The following SGCD variants were observed in gnomAD, a reference collection of about 807,000 sequenced individuals.
SGCD encodes the protein delta-sarcoglycan.
A neutral mutation model predicts 36.6 loss-of-function variants in SGCD; 18 were observed. The ratio of observed to expected loss-of-function variants is 0.49; its 90% CI spans 0.34 to 0.73. SGCD has a LOEUF of 0.73. SGCD is among the 30% of genes least tolerant of loss of function. The probability of loss-of-function intolerance (pLI) is 0.01; values close to 1 mark genes in which losing one functional copy is unlikely to be tolerated. For missense variants in SGCD, 387 were observed against 346.7 expected, an observed-to-expected ratio of 1.12 and a Z score of -0.92; for synonymous variants, 133 against 130.6, an observed-to-expected ratio of 1.02 and a Z score of -0.12.
intron 7 of SGCD, among the ~76,000 whole-genome samples, chr5:156,649,753 C>T (rs1763386819): frequency 6.6e-6 from 1 of 151,890 alleles, no homozygotes; most frequent in South Asian, 2.1e-4. Context: ...GGAGATATAC[C>T]TAATGTTAAA....
chr5:156,181,292 A>G (rs1276668818), intron 3 of SGCD, among the ~76,000 whole-genome samples: 1 of 152,178 alleles, frequency 6.6e-6, no homozygotes, highest in African/African-American at 2.4e-5. Flanking sequence ...TGAAAAATGC[A>G]AAATATTACT....
intron 1 of SGCD, among the ~76,000 whole-genome samples, chr5:155,942,834 C>T (rs1043767710): frequency 1.3e-5 from 2 of 152,066 alleles, no homozygotes; most frequent in African/African-American, 4.8e-5. Flanking sequence ...CCAAGATAAT[C>T]CAAATGTTAG....
chr5:155,765,605 A>G, the SGCD span, among the ~76,000 whole-genome samples: 17 of 152,310 alleles, frequency 1.1e-4, 1 homozygote, highest in African/African-American at 4.1e-4. Flanking sequence ...AGGCATCAGG[A>G]TGCAACTGAT....
At chr5:156,407,366 C>G (rs1340527214) in intron 3 of SGCD, among the ~76,000 whole-genome samples, 2 of 152,210 alleles carry the variant, frequency 1.3e-5, no homozygotes, top group Non-Finnish European at 2.9e-5. Flanking sequence ...TGGGCCCTCA[C>G]AGTGCTTTAT....
At chr5:156,483,638 A>G (rs575426160) in intron 3 of SGCD, among the ~76,000 whole-genome samples, 1 of 152,270 alleles carries the variant, frequency 6.6e-6, no homozygotes, top group East Asian at 1.9e-4. Context: ...GCATTTCTTA[A>G]TCTCTCTCTT....
At chr5:156,382,270 A>C (rs774309254) in intron 3 of SGCD, among the ~76,000 whole-genome samples, 19 of 151,536 alleles carry the variant, frequency 1.3e-4, no homozygotes, top group Non-Finnish European at 4.4e-5. Context: ...TGCCCTAAAC[A>C]CTCCCCTGCT....
At chr5:156,072,627 A>G (rs563191675) in intron 1 of SGCD, among the ~76,000 whole-genome samples, 194 of 152,138 alleles carry the variant, frequency 1.3e-3, no homozygotes, top group Non-Finnish European at 2.6e-3. Context: ...GTTCTTCTTG[A>G]GGAGTATCTT....
intron 7 of SGCD, among the ~76,000 whole-genome samples, chr5:156,702,553 AT>A (rs1336737178): frequency 6.6e-6 from 1 of 152,142 alleles, no homozygotes; most frequent in Non-Finnish European, 1.5e-5. Flanking sequence ...ATGAATCTCA[AT>A]AAAAAGCAGT....
At chr5:156,173,572 G>A (rs1433375810) in intron 3 of SGCD, among the ~76,000 whole-genome samples, 1 of 152,042 alleles carries the variant, frequency 6.6e-6, no homozygotes, top group Non-Finnish European at 1.5e-5. Flanking sequence ...TAAGTACATA[G>A]CATTTGCATT....
At chr5:155,903,417 C>A (rs576917102) in intron 1 of SGCD, among the ~76,000 whole-genome samples, 1 of 152,224 alleles carries the variant, frequency 6.6e-6, no homozygotes, top group African/African-American at 2.4e-5. Flanking sequence ...TCAACAAGGT[C>A]TCTTCATAGA....
At chr5:156,621,106 T>G (rs17053679) in intron 6 of SGCD, among the ~76,000 whole-genome samples, 2,186 of 152,186 alleles carry the variant, frequency 0.014, 54 homozygotes, top group African/African-American at 0.051. Context: ...ACTAATTGAG[T>G]TTTTACTCTG....
At chr5:156,420,967 G>T (rs969423739) in intron 3 of SGCD, among the ~76,000 whole-genome samples, 1 of 151,974 alleles carries the variant, frequency 6.6e-6, no homozygotes, top group Admixed American at 6.6e-5. Context: ...GCTCAATCAG[G>T]TGTCTGCAAA....
At chr5:156,253,038 A>G (rs149221295) in intron 3 of SGCD, among the ~76,000 whole-genome samples, 123 of 152,348 alleles carry the variant, frequency 8.1e-4, no homozygotes, top group African/African-American at 2.8e-3. Context: ...GCTTACAAGT[A>G]GTAAAAACCC....
Position 156,103,392 on chromosome 5 carries a change from G to A in SGCD, c.-281-14486G>A, listed in dbSNP as rs1334308483. ...AAGAATTATGTCATATGAGGTTTCC[G>A]GGTCTGAAAATCCTCTTAGTACTTA... On this transcript the variant is annotated intron_variant, in intron 1 of 9. Transcript: ENST00000517913. Among the ~76,000 whole-genome samples, 7 of 152,146 alleles carry A rather than the reference G, an allele frequency of 4.6e-5. No individual in the cohort carries two copies. In the East Asian group the frequency reaches 5.8e-4, roughly 13 times the overall value.
intron 1 of SGCD, among the ~76,000 whole-genome samples, chr5:156,013,307 G>A (rs1355099757): frequency 6.6e-6 from 1 of 152,200 alleles, no homozygotes; most frequent in Non-Finnish European, 1.5e-5. Flanking sequence ...TTACAGGCAT[G>A]AGCTACTGCT....
At chr5:156,199,174 C>G (rs997169567) in intron 3 of SGCD, among the ~76,000 whole-genome samples, 1 of 152,078 alleles carries the variant, frequency 6.6e-6, no homozygotes. Context: ...TTAAAGATTT[C>G]TCAACACTTA....
intron 1 of SGCD, among the ~76,000 whole-genome samples, chr5:156,018,941 C>T (rs1026821933): frequency 1.3e-5 from 2 of 152,054 alleles, no homozygotes; most frequent in African/African-American, 2.4e-5. Flanking sequence ...TTTTATTTAC[C>T]TATAATTCAA....
chr5:156,132,279 T>C (rs574272699), intron 3 of SGCD, among the ~76,000 whole-genome samples: 17 of 151,946 alleles, frequency 1.1e-4, no homozygotes, highest in African/African-American at 4.1e-4. Context: ...TGTCTGTAGA[T>C]AAGTATTTTC....
chr5:156,092,914 G>T (rs1285928548), intron 1 of SGCD, among the ~76,000 whole-genome samples: 1 of 152,214 alleles, frequency 6.6e-6, no homozygotes, highest in Non-Finnish European at 1.5e-5. Context: ...TTGGTGCTTT[G>T]TGCTTCTGTT....
Sources: gnomAD v4.1 joint callset for allele counts (sites outside exome capture counted in the v4.1 genomes callset) on GRCh38, gnomAD v4.1.1 for gene constraint, MANE v1.5 for transcripts, NCBI Gene and HGNC (gene_info 2026-07-23, HGNC 2026-07-21) for gene names.